Variants in ADAMTSL1 observed in about 807,000 individuals in gnomAD.
ADAMTSL1 encodes the protein ADAMTS like 1.
A neutral mutation model predicts 201.8 loss-of-function variants in ADAMTSL1; 126 were observed. The observed-to-expected ratio is 0.62, with a 90% CI of 0.54 to 0.72. ADAMTSL1 has a LOEUF of 0.72. ADAMTSL1 is among the 30% of genes least tolerant of loss of function. The pLI is 0.00. For synonymous variants in ADAMTSL1, 1,121 were observed against 903.4 expected (o/e 1.24, Z -4.32); for missense variants, 2,679 against 2,277.8 (o/e 1.18, Z -3.59).
At chr9:18,505,860 A>G (rs10511658) in intron 2 of ADAMTSL1, among the ~76,000 whole-genome samples, 5,641 of 152,254 alleles carry the variant, frequency 0.037, 353 homozygotes, top group African/African-American at 0.13. Context: ...GAAAAATGTC[A>G]ACTTACTTTA....
chr9:18,079,962 G>A (rs1020673458), intron 1 of ADAMTSL1, among the ~76,000 whole-genome samples: 13 of 152,096 alleles, frequency 8.5e-5, no homozygotes, highest in African/African-American at 2.4e-4. Flanking sequence ...ACATGCTGTT[G>A]AAGAATTGTG....
intron 2 of ADAMTSL1, among the ~76,000 whole-genome samples, chr9:18,509,974 G>C (rs77320726): frequency 0.012 from 1,779 of 152,258 alleles, 28 homozygotes; most frequent in African/African-American, 0.04. Context: ...CTTCCCAATA[G>C]GGAAAGATCA....
intron 7 of ADAMTSL1, among the ~76,000 whole-genome samples, chr9:18,646,902 A>G (rs1216076121): frequency 6.6e-6 from 1 of 152,090 alleles, no homozygotes; most frequent in Non-Finnish European, 1.5e-5. Flanking sequence ...TGCAGGCCTC[A>G]TCAAATGAGT....
chr9:18,111,585 A>G (rs1825011721), intron 1 of ADAMTSL1, among the ~76,000 whole-genome samples: 1 of 152,236 alleles, frequency 6.6e-6, no homozygotes, highest in Non-Finnish European at 1.5e-5. Context: ...ATTTACCTCT[A>G]AAATTTCAAG....
At chr9:18,139,606 T>C (rs1383364871) in intron 1 of ADAMTSL1, among the ~76,000 whole-genome samples, 1 of 152,130 alleles carries the variant, frequency 6.6e-6, no homozygotes, top group Non-Finnish European at 1.5e-5. Flanking sequence ...ATCCAAGAAA[T>C]CATGAATTAA....
chr9:18,592,481 G>T (rs1823988043), intron 4 of ADAMTSL1, among the ~76,000 whole-genome samples: 1 of 152,180 alleles, frequency 6.6e-6, no homozygotes, highest in Admixed American at 6.5e-5. Context: ...AACTTCTCAT[G>T]TAGTTGTAAG....
At chr9:18,623,606 A>G (rs1415821911) in intron 5 of ADAMTSL1, among the ~76,000 whole-genome samples, 1 of 152,216 alleles carries the variant, frequency 6.6e-6, no homozygotes, top group Non-Finnish European at 1.5e-5. Context: ...ACAAGTTCTC[A>G]TGGTACCTAC....
In ADAMTSL1 at chr9:18,857,612, T is replaced by A. The variant is rs576894880; in HGVS notation, c.4249+27635T>A. ...ATGACTGCTGATGCTAATGCCAGTC[T>A]CTTGATTAAAGTGGTATCTTCTGAC... On this transcript the variant is annotated intron_variant, in intron 23 of 28. Coordinates refer to ENST00000380548, the MANE Select transcript of ADAMTSL1 (RefSeq NM_001040272.6). Among the ~76,000 whole-genome samples the A allele has an allele frequency of 4.3e-4, 66 of 152,294 alleles. 1 individual carries two copies. Among genetic ancestry groups the A allele is most frequent in the African/African-American group, 1.4e-3 (60 of 41,570 alleles).
chr9:18,394,391 G>C (rs1817664816), intron 2 of ADAMTSL1, among the ~76,000 whole-genome samples: 1 of 152,176 alleles, frequency 6.6e-6, no homozygotes, highest in Admixed American at 6.5e-5. Context: ...ATTTTTGTTT[G>C]TCAGATGTTA....
chr9:17,978,832 C>T (rs1338087561), intron 1 of ADAMTSL1, among the ~76,000 whole-genome samples: 3 of 152,048 alleles, frequency 2.0e-5, no homozygotes, highest in Non-Finnish European at 4.4e-5. Flanking sequence ...GCTTGAAGAA[C>T]CCTTTAGCAT....
rs548063614 is a variant in ADAMTSL1 at position 18,321,455 on chromosome 9, C to T, written c.207+157474C>T. ...AGATTTTATCAACACTGTCAATCAC[C>T]TTGACCTGATTAACATTTACAGAGC... On this transcript the variant is annotated intron_variant, in intron 2 of 29. Transcript: ENST00000680146. Among the ~76,000 whole-genome samples, 18 of 152,276 alleles carry T rather than the reference C, an allele frequency of 1.2e-4. No homozygotes were observed. The South Asian group carries it at 1.2e-3, about 11-fold the overall frequency.
chr9:18,082,306 C>T lies in ADAMTSL1; in HGVS notation c.88-81556C>T, dbSNP rs988583579. On this transcript the variant is annotated intron_variant, in intron 1 of 29. Transcript: ENST00000680146. ...GTGGACATTTGCATCTGATTATTTC[C>T]GCTGACCTAGATAGATTAAACGACC... Among the ~76,000 whole-genome samples the T allele has an allele frequency of 7.9e-5, 12 of 152,160 alleles. No individual in the cohort carries two copies. In the South Asian group the frequency reaches 1.9e-3, roughly 24 times the overall value.
At chr9:18,686,731 A>G (rs940204317) in intron 13 of ADAMTSL1, among the ~76,000 whole-genome samples, 1 of 152,332 alleles carries the variant, frequency 6.6e-6, no homozygotes, top group South Asian at 2.1e-4. Context: ...TACAAAATTG[A>G]AAGTAAATGG....
chr9:18,048,050 G>A (rs973408953), intron 1 of ADAMTSL1, among the ~76,000 whole-genome samples: 1 of 152,180 alleles, frequency 6.6e-6, no homozygotes, highest in Non-Finnish European at 1.5e-5. Flanking sequence ...TAGGGACAGG[G>A]AGTAAACATT....
At chr9:18,303,788 G>A (rs1833799270) in intron 2 of ADAMTSL1, among the ~76,000 whole-genome samples, 1 of 152,304 alleles carries the variant, frequency 6.6e-6, no homozygotes, top group Non-Finnish European at 1.5e-5. Context: ...GGATTTAGCA[G>A]TGATATTTTT....
rs564353194 is a variant in ADAMTSL1, at chr9:18,781,464, G to A, written c.3677+3558G>A. Among the ~76,000 whole-genome samples the A allele has an allele frequency of 3.2e-3, 484 of 152,202 alleles. 3 individuals carry two copies. Among genetic ancestry groups the A allele is most frequent in the Non-Finnish European group, 4.5e-3 (306 of 68,016 alleles). ...TTGTTGGCTGTTCAATAAGAAATAC[G>A]GCTGGAGCTTAGTTTTCTCTATCTT... On this transcript the variant is annotated intron_variant, in intron 19 of 28. Transcript: ENST00000380548.
At chr9:18,830,220 C>T (rs1194829815) in intron 23 of ADAMTSL1, among the ~76,000 whole-genome samples, 2 of 152,102 alleles carry the variant, frequency 1.3e-5, no homozygotes, top group Non-Finnish European at 2.9e-5. Flanking sequence ...TTTCTGAATC[C>T]TCTTGGGTTG....
At chr9:18,333,651 G>C (rs1175915123) in intron 2 of ADAMTSL1, among the ~76,000 whole-genome samples, 1 of 152,108 alleles carries the variant, frequency 6.6e-6, no homozygotes, top group Non-Finnish European at 1.5e-5. Context: ...CTCTAAACCA[G>C]TTGCTGTAAC....
chr9:18,766,437 A>G (rs1181679352), intron 16 of ADAMTSL1, among the ~76,000 whole-genome samples: 1 of 152,190 alleles, frequency 6.6e-6, no homozygotes, highest in African/African-American at 2.4e-5. Flanking sequence ...AGAGAAGACA[A>G]TATGGGGTTT....
Sources: gnomAD v4.1 joint callset for allele counts (sites outside exome capture counted in the v4.1 genomes callset) on GRCh38, gnomAD v4.1.1 for gene constraint, MANE v1.5 for transcripts, NCBI Gene and HGNC (gene_info 2026-07-23, HGNC 2026-07-21) for gene names.